Variants in CHMP4B observed in about 807,000 individuals in gnomAD.
CHMP4B encodes SNF7 homolog associated with Alix 1.
A neutral mutation model predicts 25.1 loss-of-function variants in CHMP4B; 1 was observed. The ratio of observed to expected loss-of-function variants is 0.04; its 90% CI spans 0.01 to 0.19. The LOEUF (loss-of-function observed/expected upper bound fraction) is 0.19. Among genes scored for constraint, CHMP4B ranks in the 10% least tolerant of loss-of-function variants. The pLI, the probability that CHMP4B is intolerant of heterozygous loss-of-function variation, is 1.00. For synonymous variants in CHMP4B, 101 were observed against 115.6 expected, an observed-to-expected ratio of 0.87 and a Z score of 0.81; for missense variants, 151 against 289.7, an observed-to-expected ratio of 0.52 and a Z score of 3.48.
At chr20:33,840,955 C>T (rs1421687495) in intron 1 of CHMP4B, among the ~76,000 whole-genome samples, 1 of 152,204 alleles carries the variant, frequency 6.6e-6, no homozygotes, top group Non-Finnish European at 1.5e-5. Flanking sequence ...GACAACTGGA[C>T]TCCCTAAATG....
intron 1 of CHMP4B, among the ~76,000 whole-genome samples, chr20:33,825,558 A>G (rs1979072998): frequency 6.6e-6 from 1 of 152,106 alleles, no homozygotes; most frequent in South Asian, 2.1e-4. Flanking sequence ...TTGAGATGGA[A>G]ATCTCCACAC....
intron 1 of CHMP4B, among the ~76,000 whole-genome samples, chr20:33,814,219 T>C (rs1978720457): frequency 1.3e-5 from 2 of 152,202 alleles, no homozygotes; most frequent in Admixed American, 1.3e-4. Flanking sequence ...AAGGTCTTAG[T>C]GTGGGGAGGT....
At position 33,853,773 on chromosome 20, in the gene CHMP4B, G is replaced by GGGTA; in HGVS notation, c.*213_*214insGGTA. 4.0e-5 allele frequency: 1 copy of GGGTA among 25,270 alleles called. No homozygotes were observed. The highest frequency in any genetic ancestry group is 7.6e-5 in the Non-Finnish European group (1 of 13,100). The allele number at this position is 25,270 out of a possible 1,614,324, so 1.6% of individuals were successfully genotyped here. A position where few individuals can be genotyped will look rare whatever the true frequency, so the allele number is the denominator to read the frequency against. On this transcript the variant is annotated 3_prime_UTR_variant, in exon 5 of 5. Coordinates refer to ENST00000217402, the MANE Select transcript of CHMP4B (RefSeq NM_176812.5). ...GGGGGGAGGGGGGCGGGCGGGGTGGGAAGTGCCTGCTGTTTATAATGTTGA... is the reference window on the plus strand; with the variant it reads ...GGGGGGAGGGGGGCGGGCGGGGTGGGGGTAAAGTGCCTGCTGTTTATAATGTTGA...
At chr20:33,850,721 G>A (rs1979822864) in intron 2 of CHMP4B, among the ~76,000 whole-genome samples, 1 of 152,228 alleles carries the variant, frequency 6.6e-6, no homozygotes, top group African/African-American at 2.4e-5. Context: ...CACCTGTAGG[G>A]TGTTGGACTG....
chr20:33,840,712 T>C (rs1166723048), intron 1 of CHMP4B, among the ~76,000 whole-genome samples: 1 of 152,234 alleles, frequency 6.6e-6, no homozygotes, highest in African/African-American at 2.4e-5. Context: ...TTTCTTTTTT[T>C]TGGTGAGCCA....
intron 1 of CHMP4B, among the ~76,000 whole-genome samples, chr20:33,835,322 A>G (rs1979363486): frequency 6.6e-6 from 1 of 152,154 alleles, no homozygotes; most frequent in Non-Finnish European, 1.5e-5. Context: ...GTCTTCTTCA[A>G]GTTTCTTAAG....
intron 4 of CHMP4B, 96 bp downstream of exon 4, chr20:33,852,299 G>C (rs1446694912): frequency 6.9e-7 from 1 of 1,457,778 alleles, no homozygotes; most frequent in Admixed American, 1.7e-5. Context: ...GCTTTGGTTT[G>C]TGGTCGGTTG....
chr20:33,851,003 A>G lies in CHMP4B; in HGVS notation c.420A>G (p.Glu140=), dbSNP rs1979831209. Residue 140 remains glutamate (E), a synonymous_variant, in exon 3 of 5, where the codon GAA becomes GAG. Transcript: ENST00000217402. ...TGCAGGACATTGCTGACCAGCAAGAACTTGCAGAGGAGATTTCAACAGCAA... is the reference window on the plus strand; with the variant it reads ...TGCAGGACATTGCTGACCAGCAAGAGCTTGCAGAGGAGATTTCAACAGCAA... ...ELMQDIADQQ[E]LAEEISTAIS... The G allele has an allele frequency of 6.2e-7, 1 of 1,614,220 alleles. No homozygotes were observed.
In CHMP4B at chr20:33,811,403, C is replaced by CCCGAG. The variant is rs1008712701; in HGVS notation, c.-42_-38dup. ...GACTGGGAGCGGGCGCCGGAGCCGA[C>CCCGAG]CCGAGCCGAGCCGAGCCGAGCCGAG... On this transcript the variant is annotated 5_prime_UTR_variant, in exon 1 of 5. Coordinates refer to ENST00000217402, the MANE Select transcript of CHMP4B (RefSeq NM_176812.5). 1.8e-3 allele frequency: 2,342 copies of CCCGAG among 1,330,468 alleles called. 17 individuals carry two copies. The highest frequency in any genetic ancestry group is 0.011 in the South Asian group (604 of 53,996). The allele number at this position is 1,330,468 out of a possible 1,614,324, so 82.4% of individuals were successfully genotyped here.
chr20:33,828,147 A>T (rs1484517488), intron 1 of CHMP4B, among the ~76,000 whole-genome samples: 2 of 152,126 alleles, frequency 1.3e-5, no homozygotes, highest in East Asian at 3.9e-4. Flanking sequence ...CCTTTTATTA[A>T]CCTTCACAGT....
At chr20:33,825,831 A>T (rs935912378) in intron 1 of CHMP4B, among the ~76,000 whole-genome samples, 1 of 152,190 alleles carries the variant, frequency 6.6e-6, no homozygotes, top group African/African-American at 2.4e-5. Flanking sequence ...TTCAGAGGTA[A>T]GAGGCAGAGA....
intron 1 of CHMP4B, among the ~76,000 whole-genome samples, chr20:33,816,715 T>C (rs997794704): frequency 2.0e-5 from 3 of 152,254 alleles, no homozygotes; most frequent in Admixed American, 2.0e-4. Flanking sequence ...TCCCTTTTTT[T>C]CCTGTTTTAG....
chr20:33,821,249 T>C (rs1035609666), intron 1 of CHMP4B, among the ~76,000 whole-genome samples: 4 of 151,876 alleles, frequency 2.6e-5, no homozygotes, highest in African/African-American at 9.7e-5. Context: ...TAGCTGGGCG[T>C]GGTGGCAGGC....
chr20:33,830,960 A>C (rs1190231149), intron 1 of CHMP4B, among the ~76,000 whole-genome samples: 1 of 38,404 alleles, frequency 2.6e-5, no homozygotes, highest in Admixed American at 2.9e-4. Flanking sequence ...AGTTTTTTTG[A>C]GACAGGGTCC....
chr20:33,815,168 C>T (rs954732581), intron 1 of CHMP4B, among the ~76,000 whole-genome samples: 1 of 152,174 alleles, frequency 6.6e-6, no homozygotes, highest in Non-Finnish European at 1.5e-5. Flanking sequence ...CAGATTCCTC[C>T]TCCACAAATC....
intron 4 of CHMP4B, among the ~76,000 whole-genome samples, chr20:33,852,518 C>T (rs1015870866): frequency 3.3e-5 from 5 of 152,160 alleles, no homozygotes; most frequent in Non-Finnish European, 7.4e-5. Context: ...GGATGTTCAG[C>T]ACCATCCCTG....
chr20:33,823,100 T>G (rs1217409578), intron 1 of CHMP4B, among the ~76,000 whole-genome samples: 1 of 152,064 alleles, frequency 6.6e-6, no homozygotes, highest in Non-Finnish European at 1.5e-5. Flanking sequence ...GTTAAGTAAT[T>G]TTCATCATGC....
intron 1 of CHMP4B, among the ~76,000 whole-genome samples, chr20:33,822,940 C>G (rs939122062): frequency 3.3e-5 from 5 of 151,808 alleles, no homozygotes; most frequent in African/African-American, 1.2e-4. Flanking sequence ...AGGTGCCCAC[C>G]ACCACGCCGG....
intron 1 of CHMP4B, among the ~76,000 whole-genome samples, chr20:33,845,687 G>T (rs1430371445): frequency 6.6e-6 from 1 of 152,216 alleles, no homozygotes; most frequent in Non-Finnish European, 1.5e-5. Flanking sequence ...CTGGAGGGGA[G>T]TTGAGAAAGG....
Sources: gnomAD v4.1 joint callset for allele counts (sites outside exome capture counted in the v4.1 genomes callset) on GRCh38, gnomAD v4.1.1 for gene constraint, MANE v1.5 for transcripts, NCBI Gene and HGNC (gene_info 2026-07-23, HGNC 2026-07-21) for gene names.